DMD: variants seen among roughly 807,000 people sequenced by gnomAD.
DMD encodes mutant dystrophin.
In DMD, 63 loss-of-function variants were observed where a neutral mutation model predicts 330.1. That is an observed-to-expected ratio of 0.19 (90% CI 0.16 to 0.24). The LOEUF (loss-of-function observed/expected upper bound fraction) is 0.24. Among genes scored for constraint, DMD ranks in the 10% least tolerant of loss-of-function variants. The pLI, the probability that DMD is intolerant of heterozygous loss-of-function variation, is 1.00. For synonymous variants in DMD, 1,223 were observed against 959.8 expected (o/e 1.27, Z -5.07); for missense variants, 3,344 against 2,684.1 (o/e 1.25, Z -5.43).
intron 61 of DMD, among the ~76,000 whole-genome samples, chrX:31,325,616 A>AAAAC (rs758604649): frequency 4.6e-4 from 51 of 110,937 alleles, no homozygotes; most frequent in Non-Finnish European, 6.6e-4. Flanking sequence ...CTCCAACTGA[A>AAAAC]AAACAAACAA....
intron 53 of DMD, among the ~76,000 whole-genome samples, chrX:31,670,253 C>T (rs7056326): frequency 0.015 from 1,684 of 111,605 alleles, 28 homozygotes; most frequent in African/African-American, 0.052. Context: ...GATAATTTTA[C>T]TTATTCCTTT....
chrX:32,485,627 T>G (rs2042356047), intron 20 of DMD, among the ~76,000 whole-genome samples: 1 of 107,957 alleles, frequency 9.3e-6, no homozygotes, highest in East Asian at 2.9e-4. Flanking sequence ...AAAATCTATA[T>G]AATACTTATA....
At chrX:32,310,647 G>A (rs2148599355) in intron 41 of DMD, among the ~76,000 whole-genome samples, 1 of 110,330 alleles carries the variant, frequency 9.1e-6, no homozygotes, top group Admixed American at 9.7e-5. Context: ...TAATTTTCCT[G>A]GAAATCTAGA....
chrX:32,773,521 T>TA (rs1387536064), intron 7 of DMD, among the ~76,000 whole-genome samples: 20 of 97,359 alleles, frequency 2.1e-4, no homozygotes, highest in African/African-American at 6.9e-4. Context: ...TTTTTATTTT[T>TA]TTTTTTTTTT....
intron 2 of DMD, among the ~76,000 whole-genome samples, chrX:32,914,576 A>G (rs1406240793): frequency 8.9e-6 from 1 of 112,452 alleles, no homozygotes; most frequent in Non-Finnish European, 1.9e-5. Context: ...ACAGAGAGGC[A>G]TTTGCAAAAG....
At chrX:31,868,925 T>A (rs62587670) in intron 48 of DMD, among the ~76,000 whole-genome samples, 22,397 of 110,660 alleles carry the variant, frequency 0.2, 1,924 homozygotes, top group Admixed American at 0.4. Context: ...ACTTGATGAG[T>A]TTGGAGATAA....
At chrX:32,879,995 T>C (rs141264910) in intron 2 of DMD, among the ~76,000 whole-genome samples, 264 of 111,123 alleles carry the variant, frequency 2.4e-3, no homozygotes, top group African/African-American at 7.9e-3. Flanking sequence ...ATTCTGCATA[T>C]AGCCACCAAA....
At chrX:31,913,723 A>C in intron 47 of DMD, among the ~76,000 whole-genome samples, 1 of 99,376 alleles carries the variant, frequency 1.0e-5, no homozygotes, top group African/African-American at 4.3e-5. Flanking sequence ...ATTTTGAAAA[A>C]AAACAAAAAC....
intron 60 of DMD, among the ~76,000 whole-genome samples, chrX:31,371,743 T>C (rs779312256): frequency 8.9e-6 from 1 of 111,869 alleles, no homozygotes; most frequent in Non-Finnish European, 1.9e-5. Context: ...ATTTGTTTTG[T>C]TTGTTTGGAC....
In DMD at chrX:31,266,965, G is replaced by A. The variant is rs398124088; in HGVS notation, c.9225-5949C>T. ...AGCTGAAAGCACTGCGGAGGAGCCG[G>A]CGCGGGCGGGCCGGGGAGGGGGCGC... On this transcript the variant is annotated intron_variant, in intron 62 of 78. Transcript: ENST00000357033. 1.4e-4 allele frequency: 150 copies of A among 1,040,231 alleles called. No homozygotes were observed. The African/African-American group carries it at 2.3e-3, about 16-fold the overall frequency. 85.7% of individuals were successfully genotyped at this position (1,040,231 alleles called of 1,213,427 possible).
chrX:32,123,514 A>ATG (rs2096648278), intron 44 of DMD, among the ~76,000 whole-genome samples: 1 of 109,686 alleles, frequency 9.1e-6, no homozygotes, highest in Non-Finnish European at 1.9e-5. Context: ...GTGTCAGGAA[A>ATG]AAGGTGCTCT....
At chrX:31,511,705 T>C (rs1340259869) in intron 55 of DMD, among the ~76,000 whole-genome samples, 45 of 109,134 alleles carry the variant, frequency 4.1e-4, no homozygotes, top group African/African-American at 1.3e-3. Flanking sequence ...GGTGTATATG[T>C]GCCACATTTT....
intron 43 of DMD, among the ~76,000 whole-genome samples, chrX:32,257,743 G>C (rs758638817): frequency 9.9e-5 from 11 of 111,354 alleles, no homozygotes; most frequent in African/African-American, 3.6e-4. Context: ...ATACCATTCA[G>C]GACACAAGTA....
chrX:32,491,654 T>A (rs1044952393), intron 19 of DMD, 136 bp from the exon 20 acceptor site: 2 of 605,077 alleles, frequency 3.3e-6, no homozygotes, highest in East Asian at 3.7e-5. Flanking sequence ...TTTTCTAAGA[T>A]ATAAATGTGT....
chrX:32,401,242 T>C (rs1018793417), intron 30 of DMD, among the ~76,000 whole-genome samples: 1 of 106,728 alleles, frequency 9.4e-6, no homozygotes, highest in African/African-American at 3.4e-5. Flanking sequence ...GATGACGAGT[T>C]AGTGGGTGCA....
intron 47 of DMD, among the ~76,000 whole-genome samples, chrX:31,891,429 A>T (rs59490477): frequency 0.015 from 1,690 of 112,091 alleles, 32 homozygotes; most frequent in African/African-American, 0.053. Context: ...CCATAACCCC[A>T]TTTCAACAGG....
intron 59 of DMD, among the ~76,000 whole-genome samples, chrX:31,467,151 T>C (rs2066914008): frequency 9.0e-6 from 1 of 111,472 alleles, no homozygotes; most frequent in South Asian, 3.8e-4. Flanking sequence ...TTGAATACCC[T>C]TTATTTCTTT....
chrX:31,762,004 T>G (rs2089632310), intron 51 of DMD, among the ~76,000 whole-genome samples: 1 of 112,290 alleles, frequency 8.9e-6, no homozygotes, highest in African/African-American at 3.2e-5. Context: ...TTTCACATTT[T>G]GAATTATGAA....
chrX:31,906,928 T>A (rs1035416594), intron 47 of DMD, among the ~76,000 whole-genome samples: 1 of 112,436 alleles, frequency 8.9e-6, no homozygotes, highest in African/African-American at 3.2e-5. Context: ...ATTCCTTCCC[T>A]GGTTGCAGCC....
Sources: gnomAD v4.1 joint callset for allele counts (sites outside exome capture counted in the v4.1 genomes callset) on GRCh38, gnomAD v4.1.1 for gene constraint, MANE v1.5 for transcripts, NCBI Gene and HGNC (gene_info 2026-07-23, HGNC 2026-07-21) for gene names.